The following SGCD variants were observed in gnomAD, a reference collection of about 807,000 sequenced individuals.
SGCD encodes the protein sarcoglycan delta.
A neutral mutation model predicts 36.6 loss-of-function variants in SGCD; 18 were observed. That is an observed-to-expected ratio of 0.49 (90% CI 0.34 to 0.73). The LOEUF is 0.73. Ranked by LOEUF, SGCD falls within the 30% of genes least tolerant of loss-of-function variation. The pLI is 0.01. For synonymous variants in SGCD, 133 were observed against 130.6 expected, an observed-to-expected ratio of 1.02 and a Z score of -0.12; for missense variants, 387 against 346.7, an observed-to-expected ratio of 1.12 and a Z score of -0.92.
chr5:156,329,907 C>T (rs1767984914), intron 2 of SGCD, among the ~76,000 whole-genome samples: 1 of 149,842 alleles, frequency 6.7e-6, no homozygotes, highest in African/African-American at 2.5e-5. Flanking sequence ...GTCCCAGCTA[C>T]TCGGGAGGCT....
the SGCD span, among the ~76,000 whole-genome samples, chr5:155,742,125 G>A: frequency 6.6e-6 from 1 of 152,162 alleles, no homozygotes; most frequent in Non-Finnish European, 1.5e-5. Context: ...TTTCACTTGG[G>A]AAGTTTTACA....
intron 3 of SGCD, among the ~76,000 whole-genome samples, chr5:156,411,817 G>A (rs1033739516): frequency 1.4e-4 from 21 of 152,088 alleles, no homozygotes; most frequent in Admixed American, 7.9e-4. Context: ...AGCCACATTC[G>A]GGCCTGTTGT....
chr5:155,859,513 T>C, the SGCD span, among the ~76,000 whole-genome samples: 4 of 152,190 alleles, frequency 2.6e-5, no homozygotes, highest in Non-Finnish European at 5.9e-5. Context: ...TTCTTCAAAA[T>C]ATTCCCTTTG....
At chr5:155,778,363 G>A in the SGCD span, among the ~76,000 whole-genome samples, 11 of 151,976 alleles carry the variant, frequency 7.2e-5, no homozygotes, top group Admixed American at 6.6e-5. Flanking sequence ...CTAATATATC[G>A]ACTGCATTAC....
At chr5:156,388,017 G>A (rs1248395490) in intron 3 of SGCD, among the ~76,000 whole-genome samples, 2 of 152,210 alleles carry the variant, frequency 1.3e-5, no homozygotes, top group Admixed American at 1.3e-4. Flanking sequence ...GTATGAAGCT[G>A]TGCTAAATTA....
chr5:156,420,152 C>G (rs1773234951), intron 3 of SGCD, among the ~76,000 whole-genome samples: 1 of 152,076 alleles, frequency 6.6e-6, no homozygotes, highest in African/African-American at 2.4e-5. Flanking sequence ...CATTTATTTC[C>G]CTCTTCATAA....
chr5:155,785,617 T>C, the SGCD span, among the ~76,000 whole-genome samples: 1 of 152,092 alleles, frequency 6.6e-6, no homozygotes, highest in East Asian at 1.9e-4. Context: ...ATTCAAGCAA[T>C]AAATTGAAGT....
At chr5:155,768,863 T>A in the SGCD span, among the ~76,000 whole-genome samples, 1 of 152,182 alleles carries the variant, frequency 6.6e-6, no homozygotes, top group Non-Finnish European at 1.5e-5. Context: ...AGATCTCATG[T>A]TTCCTCCTGG....
At chr5:156,569,097 T>TC (rs397962808) in intron 4 of SGCD, among the ~76,000 whole-genome samples, 2 of 151,956 alleles carry the variant, frequency 1.3e-5, no homozygotes, top group South Asian at 4.2e-4. Context: ...CCTCCCCTCT[T>TC]CTAGGTACCA....
chr5:156,187,768 G>A (rs142115750), intron 3 of SGCD, among the ~76,000 whole-genome samples: 38 of 152,180 alleles, frequency 2.5e-4, no homozygotes, highest in Admixed American at 6.5e-4. Context: ...AGATGAGGAT[G>A]GAACTGGCCA....
intron 3 of SGCD, among the ~76,000 whole-genome samples, chr5:156,317,829 C>T (rs897369001): frequency 6.6e-6 from 1 of 152,098 alleles, no homozygotes; most frequent in Admixed American, 6.5e-5. Flanking sequence ...TACTGATGTA[C>T]GATAAGATCT....
upstream of SGCD, among the ~76,000 whole-genome samples, chr5:156,325,451 A>G (rs1394175686): frequency 2.6e-5 from 4 of 152,180 alleles, no homozygotes; most frequent in African/African-American, 9.7e-5. Flanking sequence ...CAATTCTACC[A>G]GTAGATTCTA....
At chr5:156,405,601 T>G (rs1296311475) in intron 3 of SGCD, among the ~76,000 whole-genome samples, 1 of 152,184 alleles carries the variant, frequency 6.6e-6, no homozygotes, top group African/African-American at 2.4e-5. Context: ...TCATCTAAAT[T>G]TTACTGCTCT....
chr5:156,251,416 C>T (rs1446438300), intron 3 of SGCD, among the ~76,000 whole-genome samples: 1 of 152,112 alleles, frequency 6.6e-6, no homozygotes, highest in Non-Finnish European at 1.5e-5. Context: ...CTTTCCAGAC[C>T]CTTTCCTGTG....
the SGCD span, among the ~76,000 whole-genome samples, chr5:155,804,938 A>G: frequency 6.6e-6 from 1 of 152,318 alleles, no homozygotes; most frequent in African/African-American, 2.4e-5. Flanking sequence ...ATGCTGTGCT[A>G]CCCAATAGAA....
chr5:156,531,366 A>G (rs1426879595), intron 4 of SGCD, among the ~76,000 whole-genome samples: 1 of 152,252 alleles, frequency 6.6e-6, no homozygotes, highest in Admixed American at 6.5e-5. Context: ...TTGTTGTTAT[A>G]ACAAGAAACA....
Position 156,738,865 on chromosome 5 carries a change from A to C in SGCD, c.576-18716A>C, listed in dbSNP as rs1756515712. ...CTCTTTTGAACATGAGAAATAGCTC[A>C]GCCTCAAAAAGCCTTCTCCAAGGTG... On this transcript the variant is annotated intron_variant, in intron 7 of 8. Coordinates refer to ENST00000337851, the MANE Select transcript of SGCD (RefSeq NM_000337.6). Among the ~76,000 whole-genome samples, 3 of 152,226 alleles carry C rather than the reference A, an allele frequency of 2.0e-5. No individual in the cohort carries two copies. In the South Asian group the frequency reaches 6.2e-4, roughly 32 times the overall value.
chr5:156,569,112 C>T (rs757975310), intron 4 of SGCD, among the ~76,000 whole-genome samples: 1 of 152,156 alleles, frequency 6.6e-6, no homozygotes, highest in Non-Finnish European at 1.5e-5. Context: ...GTACCACAGT[C>T]TAAAAGCTTT....
intron 3 of SGCD, among the ~76,000 whole-genome samples, chr5:156,191,320 G>C (rs753008233): frequency 2.6e-5 from 4 of 152,036 alleles, no homozygotes; most frequent in Non-Finnish European, 4.4e-5. Context: ...ATTTTTATTA[G>C]TTAACTTACA....
Sources: allele counts gnomAD v4.1 joint callset (sites outside exome capture counted in the v4.1 genomes callset), GRCh38; gene constraint gnomAD v4.1.1; transcripts MANE v1.5; gene names NCBI Gene and HGNC (gene_info 2026-07-23, HGNC 2026-07-21).